Variants in CDC14A observed in about 807,000 individuals in gnomAD.
The protein encoded by CDC14A is cell division cycle 14A.
CDC14A carries 53 observed loss-of-function variants against 74.4 expected under a neutral mutation model. That is an observed-to-expected ratio of 0.71 (90% CI 0.57 to 0.89). CDC14A has a LOEUF of 0.89. CDC14A is among the 40% of genes least tolerant of loss of function. The pLI, the probability that CDC14A is intolerant of heterozygous loss-of-function variation, is 0.00. For synonymous variants in CDC14A, 247 were observed against 258.4 expected (o/e 0.96, Z 0.43); for missense variants, 646 against 713.7 (o/e 0.91, Z 1.08).
intron 4 of CDC14A, among the ~76,000 whole-genome samples, chr1:100,412,728 T>TATATATATATATATATATAAA (rs1557732405): frequency 1.7e-3 from 171 of 97,988 alleles, no homozygotes; most frequent in Non-Finnish European, 3.0e-3. Flanking sequence ...ATATATTTTA[T>TATATATATATATATATATAAA]ATATATATAT....
chr1:100,454,733 C>G (rs1321355439), intron 7 of CDC14A, among the ~76,000 whole-genome samples: 1 of 152,098 alleles, frequency 6.6e-6, no homozygotes, highest in Non-Finnish European at 1.5e-5. Flanking sequence ...CATGAAAATT[C>G]AGTTGGAAGA....
chr1:100,432,922 T>C (rs1663885187), intron 5 of CDC14A, among the ~76,000 whole-genome samples: 2 of 152,198 alleles, frequency 1.3e-5, no homozygotes, highest in Admixed American at 1.3e-4. Context: ...AGAGTCTCAC[T>C]CTGTTAGCAG....
intron 4 of CDC14A, among the ~76,000 whole-genome samples, chr1:100,417,120 G>T (rs958799177): frequency 2.0e-5 from 3 of 152,186 alleles, no homozygotes; most frequent in Admixed American, 2.0e-4. Context: ...GAAGGAGAAG[G>T]CAGAGAGCTT....
At chr1:100,478,652 T>A (rs751659268) in intron 10 of CDC14A, among the ~76,000 whole-genome samples, 3 of 152,214 alleles carry the variant, frequency 2.0e-5, no homozygotes, top group Non-Finnish European at 2.9e-5. Context: ...CAGGAAGTTT[T>A]GGCTCTGTAA....
chr1:100,354,870 T>G (rs570227744), intron 2 of CDC14A, among the ~76,000 whole-genome samples: 1 of 152,232 alleles, frequency 6.6e-6, no homozygotes, highest in Non-Finnish European at 1.5e-5. Context: ...TACTACCAGG[T>G]CTTCGAAGAG....
intron 9 of CDC14A, among the ~76,000 whole-genome samples, chr1:100,467,379 C>T (rs772339300): frequency 9.2e-5 from 14 of 151,964 alleles, no homozygotes; most frequent in Non-Finnish European, 1.5e-4. Context: ...TCAATGTTTC[C>T]CTACTTTGTT....
intron 8 of CDC14A, among the ~76,000 whole-genome samples, chr1:100,461,182 G>A (rs1667278770): frequency 6.6e-6 from 1 of 152,260 alleles, no homozygotes; most frequent in African/African-American, 2.4e-5. Flanking sequence ...TGCTGCTGAA[G>A]TGATGCTGCC....
chr1:100,500,552 G>A (rs373482894), intron 15 of CDC14A, among the ~76,000 whole-genome samples: 2 of 152,068 alleles, frequency 1.3e-5, no homozygotes, highest in African/African-American at 2.4e-5. Context: ...GAGGTCAGGA[G>A]TTCGAGACCA....
At chr1:100,398,741 T>G (rs1044248071) in intron 4 of CDC14A, among the ~76,000 whole-genome samples, 2 of 152,076 alleles carry the variant, frequency 1.3e-5, no homozygotes, top group African/African-American at 2.4e-5. Flanking sequence ...TAACAAATGT[T>G]TTTTTGAGGT....
At chr1:100,516,056 T>C (rs1048839657) in intron 15 of CDC14A, among the ~76,000 whole-genome samples, 8 of 152,208 alleles carry the variant, frequency 5.3e-5, no homozygotes, top group Non-Finnish European at 1.2e-4. Flanking sequence ...GTGGGGCTTG[T>C]GGTGAGCTGT....
At chr1:100,386,393 G>C (rs144514164) in intron 3 of CDC14A, among the ~76,000 whole-genome samples, 4 of 152,074 alleles carry the variant, frequency 2.6e-5, no homozygotes, top group Non-Finnish European at 5.9e-5. Flanking sequence ...CTTTGCTATG[G>C]CATACAGTGT....
At chr1:100,448,997 T>G (rs1200294224) in intron 7 of CDC14A, among the ~76,000 whole-genome samples, 1 of 152,212 alleles carries the variant, frequency 6.6e-6, no homozygotes, top group Non-Finnish European at 1.5e-5. Context: ...TTTATGCTTA[T>G]CAATTTAGTT....
intron 2 of CDC14A, among the ~76,000 whole-genome samples, chr1:100,371,591 G>A (rs968900711): frequency 2.0e-5 from 3 of 152,138 alleles, no homozygotes; most frequent in Non-Finnish European, 4.4e-5. Context: ...TTAATGTGGT[G>A]TGTCACATTT....
chr1:100,513,698 T>C (rs1649969666), intron 15 of CDC14A, among the ~76,000 whole-genome samples: 1 of 152,324 alleles, frequency 6.6e-6, no homozygotes, highest in Middle Eastern at 3.4e-3. Flanking sequence ...GTTCCTGCCA[T>C]GATTAGGTAA....
intron 15 of CDC14A, among the ~76,000 whole-genome samples, chr1:100,500,327 G>A (rs1172926508): frequency 6.6e-6 from 1 of 152,158 alleles, no homozygotes; most frequent in Non-Finnish European, 1.5e-5. Flanking sequence ...ATCATCTAGG[G>A]AGTGCCTGCT....
At chr1:100,352,210 T>C (rs992433183), upstream of CDC14A, among the ~76,000 whole-genome samples, 1 of 152,128 alleles carries the variant, frequency 6.6e-6, no homozygotes, top group Non-Finnish European at 1.5e-5. Context: ...GTTTCATTCA[T>C]AAGTTTCTGG....
At chr1:100,485,801 A>T (rs1669969080) in intron 11 of CDC14A, 1 of 152,130 alleles carries the variant, frequency 6.6e-6, no homozygotes, top group Non-Finnish European at 1.5e-5. Flanking sequence ...GTGCTTGGAG[A>T]TTGGGAGCAT....
In CDC14A at chr1:100,364,745, T is replaced by C. The variant is rs941278287; in HGVS notation, c.140+10893T>C. ...TTTCTGTGGGAGTGAATTTTAATTTTCCCAGTGCATTCCTGAAGAAGTCTC... is the reference window on the plus strand; with the variant it reads ...TTTCTGTGGGAGTGAATTTTAATTTCCCCAGTGCATTCCTGAAGAAGTCTC... On this transcript the variant is annotated intron_variant, in intron 2 of 15. Transcript: ENST00000336454. Among the ~76,000 whole-genome samples, 3 of 152,246 alleles carry C rather than the reference T, an allele frequency of 2.0e-5. No homozygotes were observed. The East Asian group carries it at 5.8e-4, about 29-fold the overall frequency.
At chr1:100,420,676 A>T (rs997471315) in intron 4 of CDC14A, among the ~76,000 whole-genome samples, 6 of 152,180 alleles carry the variant, frequency 3.9e-5, no homozygotes, top group Non-Finnish European at 8.8e-5. Context: ...TTAAGTCAAA[A>T]GTAAATGTGT....
Sources: allele counts gnomAD v4.1 joint callset (sites outside exome capture counted in the v4.1 genomes callset), GRCh38; gene constraint gnomAD v4.1.1; transcripts MANE v1.5; gene names NCBI Gene and HGNC (gene_info 2026-07-23, HGNC 2026-07-21).